The following NEK11 variants were observed in gnomAD, a reference collection of about 807,000 sequenced individuals.
NEK11 encodes the protein serine/threonine-protein kinase Nek11.
NEK11 carries 72 observed loss-of-function variants against 80.7 expected under a neutral mutation model. The ratio of observed to expected loss-of-function variants is 0.89; its 90% confidence interval spans 0.74 to 1.08. The LOEUF is 1.08. NEK11 is among the 50% of genes least tolerant of loss of function. NEK11 has a pLI of 0.00. For missense variants in NEK11, 764 were observed against 763.6 expected, an observed-to-expected ratio of 1.00 and a Z score of -0.01; for synonymous variants, 251 against 260.7, an observed-to-expected ratio of 0.96 and a Z score of 0.36.
intron 14 of NEK11, among the ~76,000 whole-genome samples, chr3:131,175,755 A>G (rs574404294): frequency 8.5e-5 from 13 of 152,344 alleles, no homozygotes; most frequent in Non-Finnish European, 1.6e-4. Context: ...TTTATTGTAT[A>G]TAAATTATAC....
At chr3:131,255,077 A>AC (rs1180351360) in intron 16 of NEK11, among the ~76,000 whole-genome samples, 337 of 116,512 alleles carry the variant, frequency 2.9e-3, no homozygotes, top group East Asian at 0.029. Flanking sequence ...AGACAGAAAG[A>AC]AGGAAAGAAA....
intron 14 of NEK11, among the ~76,000 whole-genome samples, chr3:131,216,286 A>G (rs2094830710): frequency 3.3e-5 from 5 of 152,154 alleles, no homozygotes; most frequent in Admixed American, 3.3e-4. Context: ...TAACCTTTAA[A>G]TGAGATCTAC....
chr3:131,175,125 C>T, intron 14 of NEK11: 1 of 1,033,278 alleles, frequency 9.7e-7, no homozygotes, highest in Non-Finnish European at 1.2e-6. Flanking sequence ...GTGATTTGAA[C>T]TTTGCTAATT....
At chr3:131,258,166 G>A (rs1339988906) in intron 16 of NEK11, among the ~76,000 whole-genome samples, 1 of 135,608 alleles carries the variant, frequency 7.4e-6, no homozygotes, top group Admixed American at 7.1e-5. Flanking sequence ...GACTCAGGGG[G>A]AAGGGTGGGA....
intron 5 of NEK11, among the ~76,000 whole-genome samples, chr3:131,116,037 T>C (rs928388168): frequency 2.6e-5 from 4 of 151,410 alleles, no homozygotes; most frequent in Non-Finnish European, 4.4e-5. Context: ...GCAGGTTTGT[T>C]ACATATGTAT....
chr3:131,124,024 G>A (rs1170404869), intron 5 of NEK11, among the ~76,000 whole-genome samples: 1 of 152,080 alleles, frequency 6.6e-6, no homozygotes, highest in Non-Finnish European at 1.5e-5. Context: ...AGTGTGTTTG[G>A]CTTTTGTAGT....
At chr3:131,258,394 A>G (rs993716357) in intron 16 of NEK11, among the ~76,000 whole-genome samples, 1 of 152,222 alleles carries the variant, frequency 6.6e-6, no homozygotes, top group Non-Finnish European at 1.5e-5. Flanking sequence ...TATTTGAATC[A>G]GTCTTGAAGC....
At chr3:131,231,164 C>T (rs919088441) in intron 15 of NEK11, among the ~76,000 whole-genome samples, 2 of 151,818 alleles carry the variant, frequency 1.3e-5, no homozygotes, top group Admixed American at 1.3e-4. Context: ...TTTTGTCTCA[C>T]AAACCCTGTT....
chr3:131,072,794 G>A (rs553012970), intron 3 of NEK11, among the ~76,000 whole-genome samples: 3 of 152,262 alleles, frequency 2.0e-5, no homozygotes, highest in Admixed American at 6.5e-5. Context: ...ACTCTTCTAC[G>A]AGACAGCCCC....
At chr3:131,228,824 A>G (rs1287505740) in intron 15 of NEK11, 136 bp downstream of exon 15, 3 of 859,742 alleles carry the variant, frequency 3.5e-6, no homozygotes, top group Non-Finnish European at 5.1e-6. Flanking sequence ...ACTTGTGGTA[A>G]GTCTGGCTTT....
At chr3:131,180,901 CT>C (rs1405189261) in intron 14 of NEK11, among the ~76,000 whole-genome samples, 1 of 152,120 alleles carries the variant, frequency 6.6e-6, no homozygotes, top group Non-Finnish European at 1.5e-5. Flanking sequence ...CATATGAAGC[CT>C]TGCTAAAACT....
intron 17 of NEK11, among the ~76,000 whole-genome samples, chr3:131,282,928 T>A (rs1030105422): frequency 5.3e-5 from 8 of 152,198 alleles, no homozygotes; most frequent in Admixed American, 2.6e-4. Flanking sequence ...TAGCAATGTT[T>A]ATATGGAGGG....
intron 17 of NEK11, among the ~76,000 whole-genome samples, chr3:131,294,021 C>A (rs1360483637): frequency 2.0e-5 from 3 of 147,694 alleles, no homozygotes; most frequent in African/African-American, 7.3e-5. Context: ...TTTCAAAGAA[C>A]CAGCTTTTGG....
intron 16 of NEK11, among the ~76,000 whole-genome samples, chr3:131,257,553 T>C (rs1409404794): frequency 6.6e-6 from 1 of 152,152 alleles, no homozygotes; most frequent in Non-Finnish European, 1.5e-5. Context: ...CCTTGCGGTG[T>C]CTTGTGGAAA....
chr3:131,072,938 T>A (rs2073680903), intron 3 of NEK11, among the ~76,000 whole-genome samples: 1 of 152,214 alleles, frequency 6.6e-6, no homozygotes, highest in Non-Finnish European at 1.5e-5. Context: ...TGAATTAACA[T>A]GCTCTGATGC....
chr3:131,257,310 G>T (rs1284783352), intron 16 of NEK11, among the ~76,000 whole-genome samples: 2 of 151,920 alleles, frequency 1.3e-5, no homozygotes, highest in Non-Finnish European at 2.9e-5. Flanking sequence ...TCATCTTACT[G>T]GCAGAGGCTG....
chr3:131,309,595 G>T (rs562508599), intron 17 of NEK11, among the ~76,000 whole-genome samples: 4 of 131,828 alleles, frequency 3.0e-5, no homozygotes, highest in African/African-American at 5.4e-5. Flanking sequence ...CTGGGTACAA[G>T]AAAAATGCTT....
At chr3:131,087,031 G>T (rs918553047) in intron 4 of NEK11, among the ~76,000 whole-genome samples, 8 of 151,990 alleles carry the variant, frequency 5.3e-5, no homozygotes, top group East Asian at 1.9e-4. Flanking sequence ...AATAATGAAT[G>T]TTGAAAAAGT....
intron 7 of NEK11, 70 bp downstream of exon 7, chr3:131,134,026 C>T (rs2085057801): frequency 1.5e-6 from 2 of 1,335,100 alleles, no homozygotes; most frequent in Non-Finnish European, 2.0e-6. Flanking sequence ...TCTTTCAGCT[C>T]ATTTACTTAC....
Sources: gnomAD v4.1 joint callset for allele counts (sites outside exome capture counted in the v4.1 genomes callset) on GRCh38, gnomAD v4.1.1 for gene constraint, MANE v1.5 for transcripts, NCBI Gene and HGNC (gene_info 2026-07-23, HGNC 2026-07-21) for gene names.